FNBP4: variants seen among roughly 807,000 people sequenced by gnomAD.
FNBP4 encodes formin-binding protein 4.
FNBP4 carries 34 observed loss-of-function variants against 119.3 expected under a neutral mutation model. The ratio of observed to expected loss-of-function variants is 0.28; its 90% CI spans 0.22 to 0.38. The LOEUF (loss-of-function observed/expected upper bound fraction) is 0.38, where lower values mean the gene tolerates loss of function less well. Among genes scored for constraint, FNBP4 ranks in the 10% least tolerant of loss-of-function variants. FNBP4 has a pLI of 1.00. For synonymous variants in FNBP4, 462 were observed against 430.6 expected (o/e 1.07, Z -0.90); for missense variants, 1,112 against 1,228.9 (o/e 0.90, Z 1.42).
At position 47,734,148 on chromosome 11, in the gene FNBP4, A is replaced by G; in HGVS notation, c.1582-19T>C. On this transcript the variant is annotated intron_variant, in intron 9 of 16. Transcript: ENST00000263773. ...TCTGAAACTACAATGCAAAAAAGAA[A>G]AAAAGTAAAACTAGAATCCGTAACA... 1 of 1,397,504 alleles carries G rather than the reference A, an allele frequency of 7.2e-7. No homozygotes were observed. Among genetic ancestry groups the G allele is most frequent in the African/African-American group, 1.5e-5 (1 of 68,746 alleles). The allele number at this position is 1,397,504 out of a possible 1,614,324, so 86.6% of individuals were successfully genotyped here.
intron 12 of FNBP4, 71 bp downstream of exon 12, chr11:47,731,303 A>T: frequency 7.2e-7 from 1 of 1,398,154 alleles, no homozygotes; most frequent in Non-Finnish European, 9.7e-7. Flanking sequence ...AAATCTTTTA[A>T]TAATGTAAAT....
Position 47,720,001 on chromosome 11 carries a change from C to G in FNBP4, c.2891G>C (p.Ser964Thr). 1 of 1,614,080 alleles carries G rather than the reference C, an allele frequency of 6.2e-7. No individual in the cohort carries two copies. The change falls in exon 16 of 17, where the codon AGT (serine) becomes ACT (threonine). Residue 964 changes from serine to threonine, a missense_variant. Transcript: ENST00000263773. The part of the protein sequence containing the change: ...QRELDEEDNS[S>T]SSEEDRESTA... Reference sequence around the variant, plus strand: ...TGATTCCCGATCCTCTTCACTGGAACTAGAATTGTCCTCTTCATCTAACTC... The same window carrying G: ...TGATTCCCGATCCTCTTCACTGGAAGTAGAATTGTCCTCTTCATCTAACTC...
At chr11:47,723,972 G>A in intron 14 of FNBP4, 56 bp downstream of exon 14, 2 of 1,526,258 alleles carry the variant, frequency 1.3e-6, no homozygotes, top group Non-Finnish European at 1.8e-6. Context: ...GGCATCTAAT[G>A]CTGAAAAGAA....
chr11:47,757,962 C>T (rs924375482), intron 2 of FNBP4, among the ~76,000 whole-genome samples: 1 of 152,222 alleles, frequency 6.6e-6, no homozygotes, highest in Non-Finnish European at 1.5e-5. Context: ...CACAACCCAC[C>T]ATGCCTGGCT....
At chr11:47,744,278 C>CTTTT in intron 7 of FNBP4, 115 bp from the exon 8 acceptor site, 2 of 783,490 alleles carry the variant, frequency 2.6e-6, no homozygotes, top group Non-Finnish European at 1.9e-6. Context: ...ACAGAAAGCA[C>CTTTT]TTTTTTTTTT....
intron 8 of FNBP4, among the ~76,000 whole-genome samples, chr11:47,742,477 C>CAAAAAAAAAAAAAAAAAAAAA (rs568784009): frequency 2.5e-4 from 6 of 23,760 alleles, no homozygotes; most frequent in African/African-American, 9.3e-4. Flanking sequence ...GACTCCGTCT[C>CAAAAAAAAAAAAAAAAAAAAA]AAAAAAAAAA....
At chr11:47,731,990 A>G (rs2097568011) in intron 11 of FNBP4, 6 of 994,188 alleles carry the variant, frequency 6.0e-6, no homozygotes, top group Non-Finnish European at 7.2e-6. Flanking sequence ...TATTCTTGAT[A>G]TCAAACACAG....
intron 8 of FNBP4, among the ~76,000 whole-genome samples, chr11:47,742,777 C>T (rs183134935): frequency 6.6e-6 from 1 of 152,130 alleles, no homozygotes; most frequent in African/African-American, 2.4e-5. Context: ...GTAATCCCAG[C>T]TACTCAGGAG....
intron 14 of FNBP4, 73 bp from the exon 15 acceptor site, chr11:47,723,389 T>C (rs2097557889): frequency 1.3e-6 from 2 of 1,519,564 alleles, no homozygotes; most frequent in Admixed American, 2.2e-5. Flanking sequence ...AAAAGAGAAG[T>C]GGGGATTAGA....
Position 47,721,253 on chromosome 11 carries a change from AAAAT to A in FNBP4, c.2806-1171_2806-1168del, listed in dbSNP as rs374647673. Among the ~76,000 whole-genome samples the A allele has an allele frequency of 5.2e-3, 788 of 151,392 alleles. 10 individuals are homozygous for A. Among genetic ancestry groups the A allele is most frequent in the African/African-American group, 0.017 (707 of 41,300 alleles). On this transcript the variant is annotated intron_variant, in intron 15 of 16. Transcript: ENST00000263773. Reference sequence around the variant, plus strand: ...GGCGACAGAGCAAGACTCCATCTCAAAAATAAATAAATAAATAAATAAAAATAAA... The same window carrying A: ...GGCGACAGAGCAAGACTCCATCTCAAAAATAAATAAATAAATAAAAATAAA...
At chr11:47,724,965 G>A in intron 12 of FNBP4, 187 bp from the exon 13 acceptor site, 2 of 674,748 alleles carry the variant, frequency 3.0e-6, no homozygotes. Context: ...TGGCCCACAG[G>A]CATCTATTCT....
At chr11:47,723,790 T>C (rs1422669447) in intron 14 of FNBP4, among the ~76,000 whole-genome samples, 2 of 152,092 alleles carry the variant, frequency 1.3e-5, no homozygotes, top group African/African-American at 2.4e-5. Flanking sequence ...CTCCAACTCC[T>C]GAGCTCAAGC....
chr11:47,719,576 A>ATGTGTGTGTGTGTGTG (rs66711141), intron 16 of FNBP4, among the ~76,000 whole-genome samples: 5 of 147,692 alleles, frequency 3.4e-5, no homozygotes, highest in African/African-American at 1.3e-4. Flanking sequence ...TTATGTGTGT[A>ATGTGTGTGTGTGTGTG]TGTGTGTGTG....
At chr11:47,754,468 T>TA in intron 3 of FNBP4, 60 bp downstream of exon 3, 1 of 1,575,906 alleles carries the variant, frequency 6.3e-7, no homozygotes, top group Non-Finnish European at 8.7e-7. Context: ...GCTGACCACT[T>TA]AAGATCCAGG....
At chr11:47,735,296 C>T (rs1232754345) in intron 9 of FNBP4, among the ~76,000 whole-genome samples, 2 of 152,124 alleles carry the variant, frequency 1.3e-5, no homozygotes, top group Non-Finnish European at 2.9e-5. Context: ...CCATTAATTG[C>T]TTATATTAGC....
rs2097602622 is a variant in FNBP4, at chr11:47,751,148, C to T, written c.780G>A (p.Gln260=). 6.2e-7 allele frequency: 1 copy of T among 1,613,970 alleles called. No individual in the cohort carries two copies. Among genetic ancestry groups the T allele is most frequent in the Non-Finnish European group, 8.5e-7 (1 of 1,180,026 alleles). Residue 260 remains glutamine, a synonymous_variant, in exon 5 of 17, where the codon CAG becomes CAA. Transcript: ENST00000263773. ...ACTTTTAAATTTATTCTTACCTGGG[C>T]TGGTAATGCTGTAATCCCTGTACCT... The part of the protein sequence containing the change: ...ATQVQGLQHY[Q]PSSVPGAETS...
chr11:47,761,844 T>TA (rs1306923293), intron 2 of FNBP4, among the ~76,000 whole-genome samples: 1 of 145,136 alleles, frequency 6.9e-6, no homozygotes, highest in Non-Finnish European at 1.5e-5. Context: ...ATTTAATTTC[T>TA]TTTTTTTTTT....
In FNBP4 at chr11:47,736,718, T is replaced by C. The variant is rs761144035; in HGVS notation, c.1479A>G (p.Glu493=). ...GETAIGAENS[E]KIDENSDKEM... ...CTTTATCTGAATTCTCATCTATTTT[T>C]TCTGAATTTTCAGCACCAATTGCTG... Residue 493 remains glutamate, a synonymous_variant, in exon 9 of 17, where the codon GAA becomes GAG. Transcript: ENST00000263773. 2.5e-6 allele frequency: 4 copies of C among 1,602,210 alleles called. No homozygotes were observed. The Admixed American group carries it at 6.8e-5, about 27-fold the overall frequency.
At chr11:47,754,506 T>C (rs759061766) in intron 3 of FNBP4, 22 bp downstream of exon 3, 1 of 1,609,638 alleles carries the variant, frequency 6.2e-7, no homozygotes, top group East Asian at 2.2e-5. Flanking sequence ...TAACTAAAAC[T>C]CCAAACGAAA....
Sources: allele counts gnomAD v4.1 joint callset (sites outside exome capture counted in the v4.1 genomes callset), GRCh38; gene constraint gnomAD v4.1.1; transcripts MANE v1.5; gene names NCBI Gene and HGNC (gene_info 2026-07-23, HGNC 2026-07-21).